MMS19: variants seen among roughly 807,000 people sequenced by gnomAD.
MMS19 encodes MMS19 cytosolic iron-sulfur assembly component.
A neutral mutation model predicts 129.8 loss-of-function variants in MMS19; 77 were observed. The ratio of observed to expected loss-of-function variants is 0.59; its 90% CI spans 0.49 to 0.72. MMS19 has a LOEUF of 0.72. Ranked by LOEUF, MMS19 falls within the 30% of genes least tolerant of loss-of-function variation. The pLI is 0.00. For synonymous variants in MMS19, 491 were observed against 502.8 expected (o/e 0.98, Z 0.31); for missense variants, 1,168 against 1,266.3 (o/e 0.92, Z 1.18).
At chr10:97,476,116 G>A (rs2035713662) in intron 8 of MMS19, among the ~76,000 whole-genome samples, 1 of 152,248 alleles carries the variant, frequency 6.6e-6, no homozygotes, top group Non-Finnish European at 1.5e-5. Context: ...TTTGGCAGTA[G>A]AAGGGAACTC....
At chr10:97,483,236 TAG>T (rs2037206281) in intron 2 of MMS19, among the ~76,000 whole-genome samples, 2 of 152,126 alleles carry the variant, frequency 1.3e-5, no homozygotes, top group Admixed American at 6.5e-5. Context: ...GTATTTTTGG[TAG>T]AGACAGGGTT....
Position 97,466,856 on chromosome 10 carries a change from A to G in MMS19, c.1343T>C (p.Val448Ala). 1 of 1,614,004 alleles carries G rather than the reference A, an allele frequency of 6.2e-7. No homozygotes were observed. The highest frequency in any genetic ancestry group is 8.5e-7 in the Non-Finnish European group (1 of 1,179,876). The change falls in exon 15 of 31, where the codon GTA becomes GCA. Residue 448 changes from valine (V) to alanine (A), a missense_variant. This residue lies in a region of MMS19 where 831 missense variants were observed against 910.8 expected (regional missense o/e 0.91). Transcript: ENST00000438925. Reference protein sequence around the residue: ...NGFKDQLCSLVFMALTDPSTQ... With the variant: ...NGFKDQLCSLAFMALTDPSTQ... ...GCTGGGGTCTGTTAGAGCCATGAAT[A>G]CCAGTGAGCACAGCTGGTCCTTGAA...
chr10:97,469,153 A>G (rs1254219453), intron 11 of MMS19, 49 bp from the exon 12 acceptor site: 2 of 1,534,842 alleles, frequency 1.3e-6, no homozygotes, highest in African/African-American at 2.7e-5. Context: ...GCACCAGATG[A>G]GACCCCACCA....
At chr10:97,496,829 G>T (rs534926592) in intron 1 of MMS19, among the ~76,000 whole-genome samples, 165 of 152,302 alleles carry the variant, frequency 1.1e-3, no homozygotes, top group African/African-American at 3.9e-3. Context: ...TGACATGCAT[G>T]CCAAAGTATT....
At position 97,481,419 on chromosome 10, in the gene MMS19, G is replaced by A. The variant is rs545133115; in HGVS notation, c.162-377C>T. Among the ~76,000 whole-genome samples, 11 of 152,314 alleles carry A rather than the reference G, an allele frequency of 7.2e-5. No individual in the cohort carries two copies. In the South Asian group the frequency reaches 2.3e-3, roughly 32 times the overall value. On this transcript the variant is annotated intron_variant, in intron 2 of 30. Coordinates refer to ENST00000438925, the MANE Select transcript of MMS19 (RefSeq NM_022362.5). The stretch of plus-strand genomic sequence containing the variant: ...CTTAGCAGCTACCCACAGGGTTTGA[G>A]AGATGATTGGCAGCTGCAGCTTCCA...
chr10:97,460,572 CA>C, intron 25 of MMS19, 122 bp downstream of exon 25: 2 of 889,704 alleles, frequency 2.2e-6, no homozygotes, highest in Non-Finnish European at 3.6e-6. Context: ...ACCCTGTCTC[CA>C]AAAAGAAAAA....
Position 97,465,909 on chromosome 10 carries a change from C to A in MMS19, c.1652G>T (p.Arg551Leu), listed in dbSNP as rs777449441. ...TNGDEPTQCSRHLCCLQALSA... is the reference protein window; with the variant it reads ...TNGDEPTQCSLHLCCLQALSA... ...CAAGGCTTGCAGACAGCACAGATGC[C>A]GGGAGCATTGGGTGGGCTCATCTCC... Residue 551 changes from arginine (R) to leucine (L), a missense_variant, in exon 18 of 31, where the codon CGG (arginine) becomes CTG (leucine). Around this residue, in one of 3 missense-constraint regions of MMS19, gnomAD observed 831 missense variants for 910.8 expected, o/e 0.91. Coordinates refer to ENST00000438925, the MANE Select transcript of MMS19 (RefSeq NM_022362.5). The A allele has an allele frequency of 3.1e-6, 5 of 1,613,818 alleles. No homozygotes were observed. In the Admixed American group the frequency reaches 8.3e-5, roughly 27 times the overall value.
Position 97,468,419 on chromosome 10 carries a change from C to T in MMS19, c.1064-13G>A. The T allele has an allele frequency of 2.5e-6, 4 of 1,591,306 alleles. No homozygotes were observed. Among genetic ancestry groups the T allele is most frequent in the Non-Finnish European group, 3.4e-6 (4 of 1,164,790 alleles). ...TGGTGCCTGCAGTCTAGAGAAGCAGCACATCACAGAGCTGGGGAGGAGGCC... is the reference window on the plus strand; with the variant it reads ...TGGTGCCTGCAGTCTAGAGAAGCAGTACATCACAGAGCTGGGGAGGAGGCC... On this transcript the variant is annotated splice_polypyrimidine_tract_variant and intron_variant, in intron 12 of 30. Coordinates refer to ENST00000438925, the MANE Select transcript of MMS19 (RefSeq NM_022362.5).
rs149018664 is a variant in MMS19 at position 97,462,461 on chromosome 10, G to C, written c.2012+122C>G. On this transcript the variant is annotated intron_variant, in intron 20 of 30. Coordinates refer to ENST00000438925, the MANE Select transcript of MMS19 (RefSeq NM_022362.5). ...GTTTTGTCAACAAAACTTACAAGAC[G>C]ATTAACTGCACCACATTTACATATA... The C allele has an allele frequency of 1.7e-5, 12 of 715,280 alleles. No individual in the cohort carries two copies. In the South Asian group the frequency reaches 2.1e-4, roughly 12 times the overall value. 44.3% of individuals were successfully genotyped at this position (715,280 alleles called of 1,614,324 possible). A position where few individuals can be genotyped will look rare whatever the true frequency, so the allele number is the denominator to read the frequency against.
intron 20 of MMS19, 53 bp from the exon 21 acceptor site, chr10:97,462,172 T>C: frequency 7.7e-7 from 1 of 1,303,742 alleles, no homozygotes; most frequent in Admixed American, 2.0e-5. Flanking sequence ...AAAGCAGCCC[T>C]CTCCTCCACA....
At chr10:97,495,659 C>G (rs777736445) in intron 1 of MMS19, among the ~76,000 whole-genome samples, 7 of 152,256 alleles carry the variant, frequency 4.6e-5, no homozygotes, top group Non-Finnish European at 1.0e-4. Context: ...GGATCTACAA[C>G]AACTCTTAGT....
At position 97,477,734 on chromosome 10, in the gene MMS19, A is replaced by C. The variant is rs1017524759; in HGVS notation, c.423+121T>G. The C allele has an allele frequency of 4.1e-6, 3 of 737,378 alleles. No individual in the cohort carries two copies. The African/African-American group carries it at 5.3e-5, about 13-fold the overall frequency. 45.7% of individuals were successfully genotyped at this position (737,378 alleles called of 1,614,324 possible). ...TATAAACATACTGAAGAAGAGCATA[A>C]AAACATTCACAAGATCCAAAAGAAT... On this transcript the variant is annotated intron_variant, in intron 5 of 30. Coordinates refer to ENST00000438925, the MANE Select transcript of MMS19 (RefSeq NM_022362.5).
intron 3 of MMS19, among the ~76,000 whole-genome samples, chr10:97,479,508 T>C (rs1443535932): frequency 6.6e-6 from 1 of 152,148 alleles, no homozygotes; most frequent in Non-Finnish European, 1.5e-5. Context: ...CAGGGGGGAA[T>C]GTTGTAGGAG....
At chr10:97,466,282 C>G in intron 16 of MMS19, 123 bp from the exon 17 acceptor site, 1 of 821,352 alleles carries the variant, frequency 1.2e-6, no homozygotes, top group South Asian at 1.6e-5. Context: ...GAGCAGAACT[C>G]AAGTACCTAC....
chr10:97,476,163 G>T (rs148051941), intron 8 of MMS19, among the ~76,000 whole-genome samples: 4 of 152,238 alleles, frequency 2.6e-5, no homozygotes, highest in Non-Finnish European at 4.4e-5. Context: ...GAGGGTCAGA[G>T]CAAATACCTT....
intron 14 of MMS19, 99 bp downstream of exon 14, chr10:97,467,406 G>A (rs985315527): frequency 2.4e-6 from 2 of 834,574 alleles, no homozygotes; most frequent in Admixed American, 2.2e-5. Flanking sequence ...TAGGACCACT[G>A]TTCTAGACTA....
chr10:97,482,145 T>C (rs1400760442), intron 2 of MMS19, among the ~76,000 whole-genome samples: 2 of 152,110 alleles, frequency 1.3e-5, no homozygotes, highest in African/African-American at 2.4e-5. Flanking sequence ...CACTGCACTC[T>C]AGCTCGATTA....
At chr10:97,480,379 A>C (rs1356549809) in intron 3 of MMS19, 1 of 439,384 alleles carries the variant, frequency 2.3e-6, no homozygotes, top group South Asian at 1.6e-5. Flanking sequence ...AAAAACAAAA[A>C]AAACAAAACA....
chr10:97,469,530 C>A, intron 11 of MMS19, 116 bp downstream of exon 11: 1 of 791,000 alleles, frequency 1.3e-6, no homozygotes, highest in Non-Finnish European at 2.1e-6. Context: ...CCTGAATAAC[C>A]AGGCATTATA....
Sources: allele counts gnomAD v4.1 joint callset (sites outside exome capture counted in the v4.1 genomes callset), GRCh38; gene constraint gnomAD v4.1.1; regional missense constraint gnomAD v4.1.1; transcripts MANE v1.5; gene names NCBI Gene and HGNC (gene_info 2026-07-23, HGNC 2026-07-21).